Variants in CYP19A1 observed in about 807,000 individuals in gnomAD.
CYP19A1 encodes the protein aromatase.
In CYP19A1, 32 loss-of-function variants were observed where a neutral mutation model predicts 44.4. That is an observed-to-expected ratio of 0.72 (90% confidence interval 0.54 to 0.97). The LOEUF is 0.97. CYP19A1 is among the 50% of genes least tolerant of loss of function. The pLI is 0.00. For synonymous variants in CYP19A1, 212 were observed against 215.6 expected, an observed-to-expected ratio of 0.98 and a Z score of 0.14; for missense variants, 598 against 637.8, an observed-to-expected ratio of 0.94 and a Z score of 0.67.
At position 51,242,864 on chromosome 15, in the gene CYP19A1, C is replaced by G. The variant is rs200111039; in HGVS notation, c.49G>C (p.Val17Leu). 5.0e-6 allele frequency: 8 copies of G among 1,606,938 alleles called. No individual in the cohort carries two copies. The highest frequency in any genetic ancestry group is 6.0e-6 in the Non-Finnish European group (7 of 1,173,522). Residue 17 changes from valine (V) to leucine (L), a missense_variant, in exon 2 of 10, where the codon GTG (valine) becomes CTG (leucine). By Grantham distance (32) the Val-to-Leu change is conservative (BLOSUM62 1). Coordinates refer to ENST00000396402, the MANE Select transcript of CYP19A1 (RefSeq NM_000103.4). ...NPIHYNITSI[V>L]PEAMPAATMP... is the part of the protein sequence containing the mutation. The stretch of plus-strand genomic sequence containing the variant: ...GTGGCAGCAGGCATGGCTTCAGGCA[C>G]GATGCTGGTGATGTTATAATGTATC...
intron 4 of CYP19A1, among the ~76,000 whole-genome samples, chr15:51,227,560 C>T (rs1566879806): frequency 6.6e-6 from 1 of 151,816 alleles, no homozygotes; most frequent in Non-Finnish European, 1.5e-5. Flanking sequence ...GTCCCAGCTA[C>T]TCGCGAGGCT....
At chr15:51,306,408 TG>T (rs1041074888) in intron 1 of CYP19A1, among the ~76,000 whole-genome samples, 5 of 152,224 alleles carry the variant, frequency 3.3e-5, no homozygotes, top group East Asian at 1.9e-4. Flanking sequence ...TTTTGTTTTT[TG>T]TTTTTTTTCT....
At chr15:51,280,958 C>T (rs2035498073) in intron 1 of CYP19A1, among the ~76,000 whole-genome samples, 2 of 152,118 alleles carry the variant, frequency 1.3e-5, no homozygotes, top group Admixed American at 6.5e-5. Flanking sequence ...TGCCAAGCTC[C>T]GGGGCATCCT....
At chr15:51,335,752 T>C (rs1316328618) in intron 1 of CYP19A1, among the ~76,000 whole-genome samples, 2 of 152,106 alleles carry the variant, frequency 1.3e-5, no homozygotes, top group Non-Finnish European at 2.9e-5. Context: ...ATCTACCGAC[T>C]CCTCCCCATC....
At chr15:51,303,874 C>G (rs532851451) in intron 1 of CYP19A1, among the ~76,000 whole-genome samples, 1 of 152,194 alleles carries the variant, frequency 6.6e-6, no homozygotes, top group South Asian at 2.1e-4. Context: ...CTGAAAATCC[C>G]GGGCTGAGGA....
Position 51,274,275 on chromosome 15 carries a change from G to A in CYP19A1, c.-38-31325C>T, listed in dbSNP as rs891947890. Among the ~76,000 whole-genome samples, 5 of 152,274 alleles carry A rather than the reference G, an allele frequency of 3.3e-5. No individual in the cohort carries two copies. In the East Asian group the frequency reaches 7.7e-4, roughly 23 times the overall value. ...GATTACTTGCACAAGGATTATTACC[G>A]ATTTTTGTACAAAAATTGAACCTAT... On this transcript the variant is annotated intron_variant, in intron 1 of 9. Transcript: ENST00000396402.
At chr15:51,261,368 G>A (rs1323010925) in intron 1 of CYP19A1, among the ~76,000 whole-genome samples, 3 of 152,052 alleles carry the variant, frequency 2.0e-5, no homozygotes, top group Admixed American at 6.5e-5. Flanking sequence ...AGACCCACCC[G>A]TAACAGAAGG....
intron 2 of CYP19A1, chr15:51,242,306 G>A (rs778639538): frequency 6.9e-5 from 15 of 218,384 alleles, no homozygotes; most frequent in Non-Finnish European, 1.3e-4. Flanking sequence ...AATGATGAGT[G>A]GAATAAAGAG....
At chr15:51,261,872 A>C (rs990828482) in intron 1 of CYP19A1, among the ~76,000 whole-genome samples, 1 of 152,116 alleles carries the variant, frequency 6.6e-6, no homozygotes, top group African/African-American at 2.4e-5. Context: ...GTTCTGGGCC[A>C]CTTCTCACTG....
At chr15:51,254,958 G>A (rs1031570447) in intron 1 of CYP19A1, among the ~76,000 whole-genome samples, 1 of 152,124 alleles carries the variant, frequency 6.6e-6, no homozygotes, top group Non-Finnish European at 1.5e-5. Context: ...TTGGCTAACA[G>A]GAAAAATGAG....
At position 51,212,213 on chromosome 15, in the gene CYP19A1, G is replaced by A. The variant is rs2141033396; in HGVS notation, c.1263+107C>T. On this transcript the variant is annotated intron_variant, in intron 9 of 9. Transcript: ENST00000396402. ...CTCCTGGTGAGGTGGCAGAGGGAAT[G>A]AGTAAGAAAAATGAAGTATTTATGG... is the stretch of plus-strand genomic sequence containing the variant. 3.5e-6 allele frequency: 3 copies of A among 857,852 alleles called. 1 individual carries two copies. The highest frequency in any genetic ancestry group is 6.1e-6 in the Non-Finnish European group (3 of 491,554). The allele number at this position is 857,852 out of a possible 1,614,324, so 53.1% of individuals were successfully genotyped here.
At chr15:51,273,980 C>G (rs1317159618) in intron 1 of CYP19A1, among the ~76,000 whole-genome samples, 2 of 149,734 alleles carry the variant, frequency 1.3e-5, no homozygotes, top group East Asian at 3.9e-4. Flanking sequence ...GCACTCCAGC[C>G]TGGGCCACAG....
intron 1 of CYP19A1, among the ~76,000 whole-genome samples, chr15:51,322,360 G>T (rs2036542258): frequency 6.6e-6 from 1 of 152,238 alleles, no homozygotes; most frequent in Admixed American, 6.5e-5. Context: ...ATTGGGAAGT[G>T]CAAGTGACAA....
chr15:51,236,049 A>T (rs1433251109), intron 3 of CYP19A1, among the ~76,000 whole-genome samples: 1 of 152,234 alleles, frequency 6.6e-6, no homozygotes, highest in Non-Finnish European at 1.5e-5. Context: ...ATTCCTATTT[A>T]GTTAACCATA....
chr15:51,227,271 T>G (rs1337494675), intron 4 of CYP19A1, among the ~76,000 whole-genome samples: 1 of 152,052 alleles, frequency 6.6e-6, no homozygotes, highest in Non-Finnish European at 1.5e-5. Context: ...ATAACAACAT[T>G]TACCACATGG....
intron 1 of CYP19A1, among the ~76,000 whole-genome samples, chr15:51,298,215 A>G (rs1362729527): frequency 6.6e-6 from 1 of 152,246 alleles, no homozygotes; most frequent in African/African-American, 2.4e-5. Flanking sequence ...TGATTTGGAT[A>G]TGCCACCAGC....
intron 1 of CYP19A1, among the ~76,000 whole-genome samples, chr15:51,244,130 G>C (rs955525348): frequency 2.0e-5 from 3 of 152,306 alleles, no homozygotes; most frequent in Non-Finnish European, 2.9e-5. Context: ...CTGGATATTG[G>C]GGGCTCTGTG....
intron 1 of CYP19A1, among the ~76,000 whole-genome samples, chr15:51,317,928 G>A (rs1261314328): frequency 1.3e-5 from 2 of 152,106 alleles, no homozygotes; most frequent in East Asian, 1.9e-4. Flanking sequence ...TGGGGCAGAC[G>A]GAGTATAAAG....
intron 1 of CYP19A1, among the ~76,000 whole-genome samples, chr15:51,294,085 CG>C (rs2035915710): frequency 7.3e-6 from 1 of 136,420 alleles, no homozygotes; most frequent in African/African-American, 3.4e-5. Flanking sequence ...CGTCTCTGCC[CG>C]GCCGCCATCC....
Sources: gnomAD v4.1 joint callset for allele counts (sites outside exome capture counted in the v4.1 genomes callset) on GRCh38, gnomAD v4.1.1 for gene constraint, MANE v1.5 for transcripts, NCBI Gene and HGNC (gene_info 2026-07-23, HGNC 2026-07-21) for gene names.